Variants in SPATA7 observed in about 807,000 individuals in gnomAD.
SPATA7 encodes the protein spermatogenesis associated 7.
In SPATA7, 43 loss-of-function variants were observed where a neutral mutation model predicts 51.8. The observed-to-expected ratio is 0.83, with a 90% CI of 0.65 to 1.07. SPATA7 has a LOEUF of 1.07. Among genes scored for constraint, SPATA7 ranks in the 50% least tolerant of loss-of-function variants. The pLI is 0.00. For synonymous variants in SPATA7, 230 were observed against 252.8 expected (o/e 0.91, Z 0.86); for missense variants, 683 against 701.3 (o/e 0.97, Z 0.30).
intron 4 of SPATA7, chr14:88,468,148 T>C (rs766448555): frequency 6.2e-7 from 1 of 1,614,028 alleles, no homozygotes; most frequent in Non-Finnish European, 8.5e-7. Flanking sequence ...TAGATGAGCC[T>C]GGAGCTTTTC....
chr14:88,451,468 C>T (rs1201290059), intron 3 of SPATA7, among the ~76,000 whole-genome samples: 1 of 151,680 alleles, frequency 6.6e-6, no homozygotes, highest in Non-Finnish European at 1.5e-5. Context: ...TGCTCCCGGC[C>T]GTGATTGTTT....
chr14:88,418,880 G>A (rs2076558395), intron 5 of SPATA7, among the ~76,000 whole-genome samples: 1 of 152,132 alleles, frequency 6.6e-6, no homozygotes, highest in Non-Finnish European at 1.5e-5. Flanking sequence ...CAGATTTCTA[G>A]CCTAATTGTA....
At chr14:88,423,437 T>A (rs1017170505) in intron 5 of SPATA7, among the ~76,000 whole-genome samples, 1 of 149,512 alleles carries the variant, frequency 6.7e-6, no homozygotes, top group Admixed American at 6.7e-5. Context: ...GTATCTGTTG[T>A]CCCAGCTACT....
intron 7 of SPATA7, 193 bp downstream of exon 7, chr14:88,427,889 C>G (rs1050035416): frequency 5.8e-5 from 29 of 497,352 alleles, no homozygotes; most frequent in Admixed American, 6.9e-5. Context: ...CCAGGTGGAT[C>G]CTGCCAAATC....
intron 2 of SPATA7, 59 bp from the exon 3 acceptor site, chr14:88,393,333 GT>G: frequency 1.7e-6 from 2 of 1,162,520 alleles, no homozygotes; most frequent in Non-Finnish European, 2.5e-6. Context: ...TCAGTGCCTT[GT>G]TTATCTCATG....
intron 3 of SPATA7, among the ~76,000 whole-genome samples, chr14:88,444,672 G>A (rs914233016): frequency 6.6e-6 from 1 of 152,170 alleles, no homozygotes; most frequent in Non-Finnish European, 1.5e-5. Context: ...TAAGGTGTAA[G>A]GAAGGGATCC....
Position 88,396,194 on chromosome 14 carries a change from A to G in SPATA7, c.229A>G (p.Ser77Gly). 1 of 1,609,200 alleles carries G rather than the reference A, an allele frequency of 6.2e-7. No homozygotes were observed. The highest frequency in any genetic ancestry group is 1.1e-5 in the South Asian group (1 of 90,910). The change falls in exon 4 of 12, where the codon AGC becomes GGC. Residue 77 changes from serine (S) to glycine (G), a missense_variant. By Grantham distance (56) the Ser-to-Gly change is moderately conservative. Coordinates refer to ENST00000393545, the MANE Select transcript of SPATA7 (RefSeq NM_018418.5). ...DCSVPVSVSTSIKYADQQRRE... is the reference protein window; with the variant it reads ...DCSVPVSVSTGIKYADQQRRE... Reference sequence around the variant, plus strand: ...CTCGGTTCCAGTAAGCGTGAGTACCAGCATAAAGTGTAAGTAATTTTTGGA... The same window carrying G: ...CTCGGTTCCAGTAAGCGTGAGTACCGGCATAAAGTGTAAGTAATTTTTGGA...
At chr14:88,422,676 G>C (rs554871001) in intron 5 of SPATA7, among the ~76,000 whole-genome samples, 28 of 149,466 alleles carry the variant, frequency 1.9e-4, no homozygotes, top group South Asian at 8.5e-4. Flanking sequence ...TTTTCCAATA[G>C]CAACTATAAC....
chr14:88,448,413 C>T (rs2077228755), intron 3 of SPATA7, among the ~76,000 whole-genome samples: 1 of 152,004 alleles, frequency 6.6e-6, no homozygotes, highest in Admixed American at 6.6e-5. Context: ...TTTTCAACTT[C>T]TTTGCCTTTG....
chr14:88,448,808 G>A (rs900365492), intron 3 of SPATA7, among the ~76,000 whole-genome samples: 1 of 152,120 alleles, frequency 6.6e-6, no homozygotes, highest in East Asian at 1.9e-4. Flanking sequence ...GGGGTCAGGG[G>A]TCAGGGACCT....
chr14:88,461,796 C>T (rs1369552583), intron 4 of SPATA7, among the ~76,000 whole-genome samples: 16 of 152,176 alleles, frequency 1.1e-4, no homozygotes, highest in Admixed American at 1.0e-3. Flanking sequence ...TCTTCTGCGT[C>T]ACTCGCGCTG....
At chr14:88,429,706 T>C (rs2076889911) in intron 8 of SPATA7, among the ~76,000 whole-genome samples, 1 of 152,118 alleles carries the variant, frequency 6.6e-6, no homozygotes, top group African/African-American at 2.4e-5. Context: ...CCAACTTGTA[T>C]TATTTATTAT....
intron 7 of SPATA7, chr14:88,427,945 C>T: frequency 5.0e-6 from 2 of 398,460 alleles, no homozygotes; most frequent in Non-Finnish European, 9.3e-6. Context: ...GATTGGTTGG[C>T]TGGCTGGACA....
At chr14:88,442,700 G>A (rs59901154), downstream of SPATA7, among the ~76,000 whole-genome samples, 3,976 of 152,104 alleles carry the variant, frequency 0.026, 184 homozygotes, top group African/African-American at 0.091. Flanking sequence ...CTAGGATTTC[G>A]TTGAGGATTT....
chr14:88,438,448 G>A lies in SPATA7; in HGVS notation c.*26G>A, dbSNP rs1595305603. 2.7e-6 allele frequency: 4 copies of A among 1,499,800 alleles called. No individual in the cohort carries two copies. Among genetic ancestry groups the A allele is most frequent in the South Asian group, 2.3e-5 (2 of 88,044 alleles). 92.9% of individuals were successfully genotyped at this position (1,499,800 alleles called of 1,614,324 possible). A position where few individuals can be genotyped will look rare whatever the true frequency, so the allele number is the denominator to read the frequency against. On this transcript the variant is annotated 3_prime_UTR_variant, in exon 12 of 12. Coordinates refer to ENST00000393545, the MANE Select transcript of SPATA7 (RefSeq NM_018418.5). The stretch of plus-strand genomic sequence containing the variant: ...TCTTCATTAATAAATACCTCAAATG[G>A]CCAGTAACTCAATATTACTTTTCTT...
chr14:88,394,304 CT>C (rs368501626), intron 3 of SPATA7, among the ~76,000 whole-genome samples: 18 of 152,280 alleles, frequency 1.2e-4, no homozygotes, highest in African/African-American at 4.1e-4. Context: ...AGAGTTCCCC[CT>C]AGTCCTTTGC....
intron 11 of SPATA7, 91 bp from the exon 12 acceptor site, chr14:88,437,745 GAA>G (rs2077129364): frequency 7.2e-7 from 1 of 1,397,316 alleles, no homozygotes; most frequent in Non-Finnish European, 9.7e-7. Context: ...GAAGTGAAAG[GAA>G]AAGTATTAAT....
intron 4 of SPATA7, among the ~76,000 whole-genome samples, chr14:88,405,441 A>T (rs2076176690): frequency 6.6e-6 from 1 of 152,238 alleles, no homozygotes; most frequent in South Asian, 2.1e-4. Context: ...GTTAGAAGAC[A>T]GTAAATAATC....
chr14:88,467,997 G>T (rs761156386), intron 4 of SPATA7: 1 of 1,080,672 alleles, frequency 9.3e-7, no homozygotes, highest in Non-Finnish European at 1.4e-6. Flanking sequence ...TCAGCGTGCC[G>T]CCATTCAGAC....
Sources: allele counts gnomAD v4.1 joint callset (sites outside exome capture counted in the v4.1 genomes callset), GRCh38; gene constraint gnomAD v4.1.1; transcripts MANE v1.5; gene names NCBI Gene and HGNC (gene_info 2026-07-23, HGNC 2026-07-21).